Variants in ITPR1 observed in about 807,000 individuals in gnomAD.
ITPR1 encodes inositol 1,4,5-trisphosphate receptor type 1, also known as inositol 1,4,5-trisphosphate-gated calcium channel ITPR1.
In ITPR1, 96 loss-of-function variants were observed where a neutral mutation model predicts 318.4. The ratio of observed to expected loss-of-function variants is 0.30; its 90% CI spans 0.26 to 0.36. The LOEUF is 0.36. ITPR1 is among the 10% of genes least tolerant of loss of function. The pLI is 1.00. For synonymous variants in ITPR1, 1,312 were observed against 1,289.9 expected (o/e 1.02, Z -0.37); for missense variants, 2,440 against 3,460.2 (o/e 0.71, Z 7.40).
chr3:4,680,019 T>G (rs2094265853), intron 24 of ITPR1, among the ~76,000 whole-genome samples: 1 of 152,072 alleles, frequency 6.6e-6, no homozygotes, highest in Non-Finnish European at 1.5e-5. Flanking sequence ...AAAGTGACCC[T>G]GTGTTGGAAT....
intron 34 of ITPR1, among the ~76,000 whole-genome samples, chr3:4,697,592 C>T (rs371338529): frequency 6.6e-6 from 1 of 151,802 alleles, no homozygotes; most frequent in African/African-American, 2.4e-5. Flanking sequence ...GCTGGGATTA[C>T]AGGCACCTGC....
intron 55 of ITPR1, among the ~76,000 whole-genome samples, chr3:4,808,951 G>A (rs3792507): frequency 1.3e-5 from 2 of 152,336 alleles, no homozygotes; most frequent in East Asian, 1.9e-4. Context: ...AGATGAAAAT[G>A]TGCAAAGTTC....
In ITPR1 at chr3:4,703,639, G is replaced by C. The variant is rs146652170; in HGVS notation, c.4657+689G>C. Among the ~76,000 whole-genome samples the C allele has an allele frequency of 3.2e-3, 490 of 152,264 alleles. 3 individuals carry two copies. Among genetic ancestry groups the C allele is most frequent in the African/African-American group, 0.011 (465 of 41,548 alleles). The stretch of plus-strand genomic sequence containing the variant: ...ATCCTTGCAGACAGTAACAAGAAGA[G>C]CAAGACAGGTGTAGTTCTCAGCATT... On this transcript the variant is annotated intron_variant, in intron 36 of 61. Transcript: ENST00000649015.
chr3:4,596,015 C>T (rs951055629), intron 4 of ITPR1: 1 of 152,138 alleles, frequency 6.6e-6, no homozygotes, highest in Non-Finnish European at 1.5e-5. Flanking sequence ...GAAATCAGAT[C>T]CCCTGATTTA....
chr3:4,717,266 G>C, intron 39 of ITPR1, 101 bp from the exon 40 acceptor site: 2 of 1,030,030 alleles, frequency 1.9e-6, no homozygotes, highest in South Asian at 2.8e-5. Flanking sequence ...AAGGCTTTAA[G>C]GAGAAACGTC....
intron 23 of ITPR1, among the ~76,000 whole-genome samples, chr3:4,676,007 G>T (rs372978247): frequency 6.6e-6 from 1 of 152,020 alleles, no homozygotes; most frequent in Admixed American, 6.6e-5. Context: ...TTAACTTTAT[G>T]TACCTAGTTC....
intron 60 of ITPR1, among the ~76,000 whole-genome samples, chr3:4,833,580 C>T (rs1487536520): frequency 2.6e-5 from 4 of 152,228 alleles, no homozygotes; most frequent in Non-Finnish European, 5.9e-5. Context: ...CATCCTCTCT[C>T]CTCTCCCCTG....
intron 31 of ITPR1, among the ~76,000 whole-genome samples, chr3:4,690,003 A>T (rs2094455295): frequency 6.6e-6 from 1 of 152,240 alleles, no homozygotes. Flanking sequence ...TAGGCCAGGC[A>T]TGGTGGCTCA....
chr3:4,832,295 G>A (rs2050574243), intron 60 of ITPR1, among the ~76,000 whole-genome samples: 1 of 152,212 alleles, frequency 6.6e-6, no homozygotes, highest in Non-Finnish European at 1.5e-5. Context: ...TTGCATTGAA[G>A]GCCTCCTGTG....
At chr3:4,577,033 G>A (rs1294020726) in intron 4 of ITPR1, among the ~76,000 whole-genome samples, 1 of 152,232 alleles carries the variant, frequency 6.6e-6, no homozygotes, top group Non-Finnish European at 1.5e-5. Context: ...GGAGTTGACA[G>A]TCTAATGAAG....
intron 54 of ITPR1, 109 bp from the exon 55 acceptor site, chr3:4,805,994 T>G: frequency 1.1e-6 from 1 of 934,844 alleles, no homozygotes; most frequent in Non-Finnish European, 1.6e-6. Flanking sequence ...AAAGGAAGCG[T>G]TTGTTTGGGC....
At chr3:4,802,571 C>T (rs1205184762) in intron 54 of ITPR1, among the ~76,000 whole-genome samples, 1 of 152,096 alleles carries the variant, frequency 6.6e-6, no homozygotes, top group East Asian at 1.9e-4. Context: ...GCCTGTAATC[C>T]CAGCACTTTG....
At chr3:4,630,931 C>A (rs2092997816) in intron 5 of ITPR1, among the ~76,000 whole-genome samples, 1 of 152,152 alleles carries the variant, frequency 6.6e-6, no homozygotes, top group Admixed American at 6.5e-5. Flanking sequence ...TGTGTTTAAT[C>A]TTCGCATCAT....
chr3:4,517,866 A>G (rs1315488285), intron 3 of ITPR1, among the ~76,000 whole-genome samples: 1 of 152,184 alleles, frequency 6.6e-6, no homozygotes, highest in African/African-American at 2.4e-5. Flanking sequence ...CAGTAATGAC[A>G]GCAACAGTAA....
In ITPR1 at chr3:4,733,099, C is replaced by A. The variant is rs776742998; in HGVS notation, c.5232C>A (p.Leu1744=). Residue 1744 remains leucine, a synonymous_variant, in exon 43 of 62, where the codon CTC becomes CTA. Transcript: ENST00000649015. ...QLEDHKRGEA[L]RQVLVNRYYG... is the part of the protein sequence containing the mutation. Reference sequence around the variant, plus strand: ...CTGTTTGAATTAAGGGTGAGGCGCTCAGGCAAGTTCTGGTCAACCGTTACT... The same window carrying A: ...CTGTTTGAATTAAGGGTGAGGCGCTAAGGCAAGTTCTGGTCAACCGTTACT... 1.2e-6 allele frequency: 2 copies of A among 1,613,218 alleles called. No individual in the cohort carries two copies. Among genetic ancestry groups the A allele is most frequent in the South Asian group, 2.2e-5 (2 of 90,890 alleles).
intron 4 of ITPR1, among the ~76,000 whole-genome samples, chr3:4,623,531 A>G (rs895092429): frequency 6.6e-6 from 1 of 152,158 alleles, no homozygotes; most frequent in Non-Finnish European, 1.5e-5. Context: ...ATGTACACAC[A>G]TGTGTTCTCC....
intron 4 of ITPR1, among the ~76,000 whole-genome samples, chr3:4,539,063 T>C (rs926262232): frequency 5.9e-5 from 9 of 152,254 alleles, no homozygotes; most frequent in African/African-American, 2.2e-4. Flanking sequence ...TGTATGCATA[T>C]GAAATAATTA....
chr3:4,783,362 A>T (rs1434696102), intron 50 of ITPR1, among the ~76,000 whole-genome samples: 1 of 151,556 alleles, frequency 6.6e-6, no homozygotes, highest in African/African-American at 2.4e-5. Flanking sequence ...CCTCTTTTAA[A>T]CTCAGGTACG....
At chr3:4,664,025 A>C (rs2093894126) in intron 16 of ITPR1, among the ~76,000 whole-genome samples, 1 of 152,246 alleles carries the variant, frequency 6.6e-6, no homozygotes, top group Non-Finnish European at 1.5e-5. Context: ...GATATCAATC[A>C]TGTGAGAGTT....
Sources: allele counts gnomAD v4.1 joint callset (sites outside exome capture counted in the v4.1 genomes callset), GRCh38; gene constraint gnomAD v4.1.1; transcripts MANE v1.5; gene names NCBI Gene and HGNC (gene_info 2026-07-23, HGNC 2026-07-21).